The following LRRC27 variants were observed in gnomAD, a reference collection of about 807,000 sequenced individuals.
LRRC27 encodes the protein leucine-rich repeat-containing protein 27.
Under a neutral mutation model 55.0 loss-of-function variants are expected in LRRC27, and 57 were observed. The observed-to-expected ratio is 1.04, with a 90% CI of 0.84 to 1.29. The LOEUF is 1.29. Ranked by LOEUF, LRRC27 falls within the 50% of genes most tolerant of loss-of-function variation. The pLI is 0.00. For synonymous variants in LRRC27, 278 were observed against 251.9 expected, an observed-to-expected ratio of 1.10 and a Z score of -0.98; for missense variants, 721 against 651.5, an observed-to-expected ratio of 1.11 and a Z score of -1.16.
At chr10:132,367,482 G>A (rs575233456) in intron 10 of LRRC27, among the ~76,000 whole-genome samples, 1 of 152,326 alleles carries the variant, frequency 6.6e-6, no homozygotes, top group South Asian at 2.1e-4. Flanking sequence ...GCTCATGAAT[G>A]TAGACGCAAA....
chr10:132,360,117 T>G (rs1197227958), intron 8 of LRRC27, among the ~76,000 whole-genome samples: 1 of 152,198 alleles, frequency 6.6e-6, no homozygotes, highest in African/African-American at 2.4e-5. Flanking sequence ...TTAGCATTTA[T>G]TTATTTATTT....
chr10:132,365,610 T>G, intron 10 of LRRC27, 60 bp downstream of exon 10: 1 of 1,576,654 alleles, frequency 6.3e-7, no homozygotes, highest in South Asian at 1.2e-5. Context: ...TGTTTTGTTT[T>G]TGTTTTTTTG....
Position 132,377,575 on chromosome 10 carries a change from G to A in LRRC27, c.*2333G>A, listed in dbSNP as rs1243024630. On this transcript the variant is annotated 3_prime_UTR_variant, in exon 11 of 11. Transcript: ENST00000368614. ...GACACAGGTACCGTGTGCCCCAACG[G>A]TGTCTTGACTCGCTGTTCCTAGACA... 1 of 152,134 alleles carries A rather than the reference G, an allele frequency of 6.6e-6. No homozygotes were observed. The highest frequency in any genetic ancestry group is 1.5e-5 in the Non-Finnish European group (1 of 68,044). 9.4% of individuals were successfully genotyped at this position (152,134 alleles called of 1,614,324 possible).
chr10:132,371,234 C>T (rs2069207716), intron 10 of LRRC27, among the ~76,000 whole-genome samples: 1 of 152,350 alleles, frequency 6.6e-6, no homozygotes, highest in East Asian at 1.9e-4. Context: ...GGAGCACCCC[C>T]CCATGCACCC....
chr10:132,352,779 T>C, intron 7 of LRRC27: 1 of 1,289,234 alleles, frequency 7.8e-7, no homozygotes, highest in African/African-American at 1.5e-5. Context: ...ACAGGCCGGT[T>C]GCAGTGCTCG....
chr10:132,357,565 G>A (rs972615373), intron 8 of LRRC27, among the ~76,000 whole-genome samples: 5 of 152,156 alleles, frequency 3.3e-5, no homozygotes, highest in Non-Finnish European at 5.9e-5. Flanking sequence ...ACAAGTTGTA[G>A]GACAGTGCAC....
Position 132,351,320 on chromosome 10 carries a change from A to G in LRRC27, c.927-287A>G, listed in dbSNP as rs2067999298. On this transcript the variant is annotated intron_variant, in intron 6 of 10. Coordinates refer to ENST00000368614, the MANE Select transcript of LRRC27 (RefSeq NM_030626.3). ...GGTCGGGTGCAGCTGCCGAGGCTGCACGTCCTTCAGGTGCATTTCCCAAGC... is the reference window on the plus strand; with the variant it reads ...GGTCGGGTGCAGCTGCCGAGGCTGCGCGTCCTTCAGGTGCATTTCCCAAGC... 5.3e-5 allele frequency: 19 copies of G among 357,050 alleles called. No individual in the cohort carries two copies. The South Asian group carries it at 6.1e-4, about 11-fold the overall frequency. The allele number at this position is 357,050 out of a possible 1,614,324, so 22.1% of individuals were successfully genotyped here.
chr10:132,365,891 A>G (rs2069056146), intron 10 of LRRC27, among the ~76,000 whole-genome samples: 1 of 152,220 alleles, frequency 6.6e-6, no homozygotes, highest in African/African-American at 2.4e-5. Context: ...AGCCTAAAAC[A>G]TTGTTTTATT....
At position 132,376,078 on chromosome 10, in the gene LRRC27, T is replaced by C. The variant is rs1183992205; in HGVS notation, c.*836T>C. ...TTTTGGTAAATATGGTTTCAGTGAG[T>C]TTCCTCATTTCATCCAAGTTGTGCA... is the stretch of plus-strand genomic sequence containing the variant. On this transcript the variant is annotated 3_prime_UTR_variant, in exon 11 of 11. Transcript: ENST00000368614. 3 of 152,238 alleles carry C rather than the reference T, an allele frequency of 2.0e-5. No individual in the cohort carries two copies. The highest frequency in any genetic ancestry group is 7.2e-5 in the African/African-American group (3 of 41,462). 9.4% of individuals were successfully genotyped at this position (152,238 alleles called of 1,614,324 possible).
chr10:132,345,615 AAGT>A (rs1450893749), intron 5 of LRRC27, among the ~76,000 whole-genome samples: 2 of 152,190 alleles, frequency 1.3e-5, no homozygotes, highest in Non-Finnish European at 2.9e-5. Flanking sequence ...AGGAAAAGAA[AAGT>A]AGCCGCTGGA....
chr10:132,367,113 T>C (rs1245399327), intron 10 of LRRC27: 1 of 556,462 alleles, frequency 1.8e-6, no homozygotes, highest in African/African-American at 2.0e-5. Flanking sequence ...CAAAAGTCGA[T>C]TTGGTATTAT....
Position 132,366,945 on chromosome 10 carries a change from C to T in LRRC27, c.1416+1395C>T, listed in dbSNP as rs1345915588. 3.1e-6 allele frequency: 4 copies of T among 1,283,510 alleles called. No individual in the cohort carries two copies. The East Asian group carries it at 2.3e-4, about 73-fold the overall frequency. 79.5% of individuals were successfully genotyped at this position (1,283,510 alleles called of 1,614,324 possible). ...CGGACCCCACTTCTGAGACTCTTTTCCTCCTCAGCCCAAGGAGTTTGTATC... is the reference window on the plus strand; with the variant it reads ...CGGACCCCACTTCTGAGACTCTTTTTCTCCTCAGCCCAAGGAGTTTGTATC... On this transcript the variant is annotated intron_variant, in intron 10 of 10. Coordinates refer to ENST00000368614, the MANE Select transcript of LRRC27 (RefSeq NM_030626.3).
rs12248621 is a variant in LRRC27 at position 132,348,072 on chromosome 10, T to C, written c.642T>C (p.Ala214=). 9.0e-4 allele frequency: 1,457 copies of C among 1,614,068 alleles called. 5 individuals carry two copies. In the African/African-American group the frequency reaches 0.017, roughly 19 times the overall value. ...LSGDHASNQG[A]VNAQDPEGAV... ...GAGACCACGCGTCTAACCAAGGAGC[T>C]GTGAACGCTCAGGACCCAGAGGGGG... The change falls in exon 6 of 11, where the codon GCT becomes GCC. Residue 214 remains alanine, a synonymous_variant. Coordinates refer to ENST00000368614, the MANE Select transcript of LRRC27 (RefSeq NM_030626.3). This position sits in a 1 kb window ranked among gnomAD's most constrained non-coding sequence, Gnocchi z 4.2.
chr10:132,359,253 C>T (rs929906151), intron 8 of LRRC27, among the ~76,000 whole-genome samples: 1 of 152,062 alleles, frequency 6.6e-6, no homozygotes, highest in Non-Finnish European at 1.5e-5. Flanking sequence ...AGAGCGTGTC[C>T]TTTGAACACA....
chr10:132,361,221 C>G (rs2068599414), intron 8 of LRRC27, among the ~76,000 whole-genome samples: 2 of 152,220 alleles, frequency 1.3e-5, no homozygotes, highest in African/African-American at 2.4e-5. Context: ...TACCTCCTAC[C>G]CCAGCCTGGG....
Position 132,333,809 on chromosome 10 carries a change from T to C in LRRC27, c.210+75T>C. The C allele has an allele frequency of 3.6e-6, 4 of 1,097,116 alleles. No homozygotes were observed. The South Asian group carries it at 4.4e-5, about 12-fold the overall frequency. 68.0% of individuals were successfully genotyped at this position (1,097,116 alleles called of 1,614,324 possible). ...AGAAATGGGAATGTACCCCTGGGCT[T>C]TATTTGTAGGCTTCTTTCTCTTTGG... On this transcript the variant is annotated intron_variant, in intron 2 of 10. Coordinates refer to ENST00000368614, the MANE Select transcript of LRRC27 (RefSeq NM_030626.3).
chr10:132,361,906 C>T (rs892010331), intron 9 of LRRC27, among the ~76,000 whole-genome samples: 1 of 152,126 alleles, frequency 6.6e-6, no homozygotes. Flanking sequence ...GCTGCAGTCC[C>T]TGCCCTGCCC....
intron 2 of LRRC27, among the ~76,000 whole-genome samples, chr10:132,335,505 G>T (rs369068378): frequency 6.7e-6 from 1 of 149,456 alleles, no homozygotes. Flanking sequence ...CCTGGATGTC[G>T]TCTATTGGTT....
intron 9 of LRRC27, among the ~76,000 whole-genome samples, chr10:132,364,813 CCCACCCTTACAT>C (rs1388547953): frequency 1.8e-4 from 22 of 121,962 alleles, no homozygotes; most frequent in South Asian, 7.4e-4. Flanking sequence ...CACACTTACA[CCCACCCTTACAT>C]CTACCTCCAC....
Sources: allele counts gnomAD v4.1 joint callset (sites outside exome capture counted in the v4.1 genomes callset), GRCh38; gene constraint gnomAD v4.1.1; non-coding constraint Gnocchi (gnomAD v3.1); transcripts MANE v1.5; gene names NCBI Gene and HGNC (gene_info 2026-07-23, HGNC 2026-07-21).